AFG2A: variants seen among roughly 807,000 people sequenced by gnomAD.
AFG2A encodes the protein ATPase family gene 2 protein homolog A.
At chr4:122,993,067 C>G in the AFG2A span, among the ~76,000 whole-genome samples, 1 of 151,770 alleles carries the variant, frequency 6.6e-6, no homozygotes, top group Non-Finnish European at 1.5e-5. Context: ...CTTACTGCAG[C>G]CTTCACCTAC....
chr4:123,023,739 G>A, the AFG2A span, among the ~76,000 whole-genome samples: 2 of 151,984 alleles, frequency 1.3e-5, no homozygotes, highest in African/African-American at 4.8e-5. Context: ...CACGGGCTCC[G>A]AGCAAGATGG....
At chr4:123,150,880 T>C in the AFG2A span, among the ~76,000 whole-genome samples, 8 of 152,296 alleles carry the variant, frequency 5.3e-5, no homozygotes, top group East Asian at 1.5e-3. Context: ...ACTGCAAGGC[T>C]ACAGTAACCA....
At chr4:123,268,722 AT>A in the AFG2A span, among the ~76,000 whole-genome samples, 1 of 152,204 alleles carries the variant, frequency 6.6e-6, no homozygotes, top group Admixed American at 6.5e-5. Flanking sequence ...GACCTAAAAC[AT>A]GTTTATCTTC....
At chr4:123,010,357 T>G in the AFG2A span, among the ~76,000 whole-genome samples, 1 of 151,796 alleles carries the variant, frequency 6.6e-6, no homozygotes, top group Admixed American at 6.6e-5. Context: ...CCGTATAATT[T>G]TTTGTCTAGT....
At chr4:123,236,019 C>T in the AFG2A span, among the ~76,000 whole-genome samples, 1 of 152,124 alleles carries the variant, frequency 6.6e-6, no homozygotes, top group South Asian at 2.1e-4. Flanking sequence ...AAGAAGTTCT[C>T]ATAATGGGTT....
the AFG2A span, chr4:123,315,566 C>T: frequency 6.6e-6 from 1 of 152,008 alleles, no homozygotes; most frequent in Non-Finnish European, 1.5e-5. Flanking sequence ...TATTTATCCT[C>T]AGGATTTCTT....
chr4:123,109,963 A>T, the AFG2A span, among the ~76,000 whole-genome samples: 5 of 152,218 alleles, frequency 3.3e-5, no homozygotes, highest in South Asian at 4.1e-4. Context: ...TAATTTGCTG[A>T]GCTAAATTGT....
the AFG2A span, chr4:122,928,968 A>T: frequency 6.5e-7 from 1 of 1,541,252 alleles, no homozygotes; most frequent in Non-Finnish European, 8.7e-7. Context: ...TGTGCTTAGC[A>T]TTCTACCTTA....
chr4:122,938,846 T>C, the AFG2A span, among the ~76,000 whole-genome samples: 24 of 152,014 alleles, frequency 1.6e-4, no homozygotes, highest in Non-Finnish European at 4.4e-5. Context: ...CTACCCGCCT[T>C]GGCCTTCCAA....
At chr4:123,189,451 T>G in the AFG2A span, among the ~76,000 whole-genome samples, 20 of 152,118 alleles carry the variant, frequency 1.3e-4, no homozygotes, top group Non-Finnish European at 2.5e-4. Context: ...CCTTTTTTCT[T>G]TTCTTTTTTT....
chr4:123,290,467 G>A, the AFG2A span, among the ~76,000 whole-genome samples: 322 of 152,212 alleles, frequency 2.1e-3, 7 homozygotes, highest in Middle Eastern at 0.027. Flanking sequence ...CTTCTCCAGT[G>A]TACGTTTTTG....
the AFG2A span, among the ~76,000 whole-genome samples, chr4:123,267,494 A>G: frequency 6.6e-5 from 10 of 152,056 alleles, no homozygotes; most frequent in South Asian, 2.1e-4. Flanking sequence ...CATAAATTAG[A>G]TATTTTCCCT....
At chr4:122,970,824 TAGA>T in the AFG2A span, among the ~76,000 whole-genome samples, 2 of 151,304 alleles carry the variant, frequency 1.3e-5, no homozygotes, top group East Asian at 2.0e-4. Context: ...TGTCTGTATC[TAGA>T]AGAAGTAAAA....
At chr4:123,194,181 C>T in the AFG2A span, among the ~76,000 whole-genome samples, 1 of 152,164 alleles carries the variant, frequency 6.6e-6, no homozygotes, top group South Asian at 2.1e-4. Context: ...GTAGTATTGG[C>T]AGGGAGAAAG....
chr4:123,255,717 ATT>A, the AFG2A span, among the ~76,000 whole-genome samples: 1,338 of 43,862 alleles, frequency 0.031, 11 homozygotes, highest in Middle Eastern at 0.087. Flanking sequence ...CTGCTTTTCT[ATT>A]TTTTTTTTTT....
chr4:122,965,979 TAA>T, the AFG2A span, among the ~76,000 whole-genome samples: 11 of 152,298 alleles, frequency 7.2e-5, no homozygotes, highest in East Asian at 2.1e-3. Flanking sequence ...CCAAAAGGGC[TAA>T]GTCTTATTTA....
At chr4:123,085,160 G>T in the AFG2A span, among the ~76,000 whole-genome samples, 7 of 152,258 alleles carry the variant, frequency 4.6e-5, no homozygotes, top group African/African-American at 1.7e-4. Context: ...TATTCTGTCT[G>T]AGTTTATGAA....
At chr4:123,314,059 C>T in the AFG2A span, 1 of 1,552,456 alleles carries the variant, frequency 6.4e-7, no homozygotes, top group African/African-American at 1.4e-5. Context: ...GCTGCATACA[C>T]TCTGAGAAAA....
At chr4:123,058,394 G>A in the AFG2A span, among the ~76,000 whole-genome samples, 2 of 152,322 alleles carry the variant, frequency 1.3e-5, no homozygotes, top group East Asian at 3.9e-4. Flanking sequence ...GCAGGCCGAG[G>A]TGGGCGAATC....
Sources: allele counts gnomAD v4.1 joint callset (sites outside exome capture counted in the v4.1 genomes callset), GRCh38; gene constraint gnomAD v4.1.1; transcripts MANE v1.5; gene names NCBI Gene and HGNC (gene_info 2026-07-23, HGNC 2026-07-21).